The following MAPK8 variants were observed in gnomAD, a reference collection of about 807,000 sequenced individuals.
The protein encoded by MAPK8 is mitogen-activated protein kinase 8.
Under a neutral mutation model 52.9 loss-of-function variants are expected in MAPK8, and 13 were observed. That is an observed-to-expected ratio of 0.25 (90% CI 0.16 to 0.39). The LOEUF (loss-of-function observed/expected upper bound fraction) is 0.39, where lower values mean the gene tolerates loss of function less well. MAPK8 is among the 10% of genes least tolerant of loss of function. MAPK8 has a pLI of 1.00. For missense variants in MAPK8, 300 were observed against 519.2 expected (o/e 0.58, Z 4.10); for synonymous variants, 191 against 169.8 (o/e 1.12, Z -0.97).
At chr10:48,351,679 T>G (rs1846344723) in intron 1 of MAPK8, among the ~76,000 whole-genome samples, 1 of 152,004 alleles carries the variant, frequency 6.6e-6, no homozygotes, top group Admixed American at 6.6e-5. Context: ...AATAAAATCT[T>G]AATGGGTAAA....
chr10:48,402,760 A>T (rs534617319), intron 2 of MAPK8, among the ~76,000 whole-genome samples: 1 of 152,352 alleles, frequency 6.6e-6, no homozygotes, highest in South Asian at 2.1e-4. Flanking sequence ...ACTGTTTTAC[A>T]TGTGCACAGG....
intron 1 of MAPK8, among the ~76,000 whole-genome samples, chr10:48,324,721 T>C (rs1277838104): frequency 6.6e-6 from 1 of 152,164 alleles, no homozygotes; most frequent in Non-Finnish European, 1.5e-5. Flanking sequence ...GTACGTTATA[T>C]TGACTCATAA....
At chr10:48,350,638 T>C (rs191662642) in intron 1 of MAPK8, among the ~76,000 whole-genome samples, 3 of 152,340 alleles carry the variant, frequency 2.0e-5, no homozygotes, top group Admixed American at 6.5e-5. Context: ...AAGCTGTTTA[T>C]GACAAACCCA....
At chr10:48,373,063 T>C (rs1449048155) in intron 1 of MAPK8, among the ~76,000 whole-genome samples, 2 of 151,974 alleles carry the variant, frequency 1.3e-5, no homozygotes, top group East Asian at 3.9e-4. Flanking sequence ...CAAGCCAGAA[T>C]AGAGTGGGGG....
intron 1 of MAPK8, among the ~76,000 whole-genome samples, chr10:48,397,183 C>T (rs561488619): frequency 9.0e-4 from 136 of 150,532 alleles, no homozygotes; most frequent in Admixed American, 4.0e-3. Context: ...CAGTCTCACT[C>T]TGTTGCCCAG....
chr10:48,413,851 ATATATAT>A (rs1464528136), intron 5 of MAPK8, among the ~76,000 whole-genome samples: 3 of 122,510 alleles, frequency 2.4e-5, no homozygotes, highest in South Asian at 2.7e-4. Flanking sequence ...ATATATATAT[ATATATAT>A]ATTCAGAAAT....
intron 1 of MAPK8, among the ~76,000 whole-genome samples, chr10:48,311,481 T>C (rs1258319660): frequency 1.3e-5 from 2 of 152,214 alleles, no homozygotes; most frequent in Non-Finnish European, 2.9e-5. Context: ...ATTTTTTGCC[T>C]TTTCCCACAG....
chr10:48,378,875 C>A (rs2040825962), intron 1 of MAPK8, among the ~76,000 whole-genome samples: 1 of 152,134 alleles, frequency 6.6e-6, no homozygotes. Flanking sequence ...AAGTGATCCT[C>A]CACCTCAGCC....
intron 1 of MAPK8, among the ~76,000 whole-genome samples, chr10:48,340,571 A>G (rs1845159100): frequency 6.6e-6 from 1 of 152,208 alleles, no homozygotes; most frequent in African/African-American, 2.4e-5. Flanking sequence ...TCTCTATTAA[A>G]TATAATTTTC....
chr10:48,427,904 C>T (rs1300023496), intron 10 of MAPK8, among the ~76,000 whole-genome samples: 2 of 152,164 alleles, frequency 1.3e-5, no homozygotes, highest in African/African-American at 4.8e-5. Flanking sequence ...ATCCATCTCC[C>T]TCTTGGTGAC....
intron 1 of MAPK8, among the ~76,000 whole-genome samples, chr10:48,308,570 ATGTGCTAGTTTATGTGTGTC>A (rs1195429446): frequency 6.6e-6 from 1 of 152,130 alleles, no homozygotes; most frequent in East Asian, 1.9e-4. Context: ...GTTTCTGTGT[ATGTGCTAGTTTATGTGTGTC>A]CGTGTGTGTG....
intron 1 of MAPK8, among the ~76,000 whole-genome samples, chr10:48,347,184 C>G (rs369101311): frequency 6.6e-6 from 1 of 152,220 alleles, no homozygotes; most frequent in Non-Finnish European, 1.5e-5. Flanking sequence ...TTCCACCCCC[C>G]ACTAGGCATT....
intron 1 of MAPK8, among the ~76,000 whole-genome samples, chr10:48,335,762 A>G (rs1844625490): frequency 6.6e-6 from 1 of 152,152 alleles, no homozygotes; most frequent in Admixed American, 6.6e-5. Context: ...GCTTATGTAT[A>G]CTTCCCATTT....
At chr10:48,384,848 C>A (rs763417272) in intron 1 of MAPK8, among the ~76,000 whole-genome samples, 2 of 152,058 alleles carry the variant, frequency 1.3e-5, no homozygotes, top group Non-Finnish European at 2.9e-5. Flanking sequence ...GAAATGTCAA[C>A]CTAAAGGGAA....
At chr10:48,354,064 G>C (rs970739402) in intron 1 of MAPK8, among the ~76,000 whole-genome samples, 1 of 152,152 alleles carries the variant, frequency 6.6e-6, no homozygotes, top group Non-Finnish European at 1.5e-5. Context: ...ATTATAGTAA[G>C]ATGTAACCAT....
At chr10:48,348,084 A>G (rs149293064) in intron 1 of MAPK8, among the ~76,000 whole-genome samples, 78 of 152,316 alleles carry the variant, frequency 5.1e-4, no homozygotes, top group African/African-American at 1.9e-3. Flanking sequence ...AATGTTCGCC[A>G]TTCTAACTGG....
intron 1 of MAPK8, among the ~76,000 whole-genome samples, chr10:48,356,090 A>T (rs947575491): frequency 6.6e-6 from 1 of 152,246 alleles, no homozygotes; most frequent in Non-Finnish European, 1.5e-5. Context: ...ACTCTCAGAC[A>T]GGAGGCCAGA....
rs73294819 is a variant in MAPK8, at chr10:48,352,111, A to C, written c.-50+45290A>C. 3.5e-3 allele frequency among the ~76,000 whole-genome samples: 532 copies of C among 152,340 alleles called. 5 individuals carry two copies. The highest frequency in any genetic ancestry group is 0.012 in the African/African-American group (519 of 41,578). ...CAAGTCACTCAGTATGGCATAGATA[A>C]TTTGAATAGTGCTACAACTTAATAG... On this transcript the variant is annotated intron_variant, in intron 1 of 11. Coordinates refer to ENST00000374189, the MANE Select transcript of MAPK8 (RefSeq NM_001323329.2).
At chr10:48,357,537 T>C (rs531542565) in intron 1 of MAPK8, among the ~76,000 whole-genome samples, 2 of 152,144 alleles carry the variant, frequency 1.3e-5, no homozygotes, top group Admixed American at 1.3e-4. Context: ...GCTGGGACTA[T>C]AGATACATGC....
Sources: gnomAD v4.1 joint callset for allele counts (sites outside exome capture counted in the v4.1 genomes callset) on GRCh38, gnomAD v4.1.1 for gene constraint, MANE v1.5 for transcripts, NCBI Gene and HGNC (gene_info 2026-07-23, HGNC 2026-07-21) for gene names.